The following ZBED6 variants were observed in gnomAD, a reference collection of about 807,000 sequenced individuals.
The protein encoded by ZBED6 is zinc finger BED-type containing 6.
A neutral mutation model predicts 58.4 loss-of-function variants in ZBED6; 40 were observed. The ratio of observed to expected loss-of-function variants is 0.68; its 90% CI spans 0.53 to 0.89. ZBED6 has a LOEUF of 0.89. ZBED6 is among the 40% of genes least tolerant of loss of function. The probability of loss-of-function intolerance (pLI) is 0.00; values close to 1 mark genes in which losing one functional copy is unlikely to be tolerated. For missense variants in ZBED6, 1,057 were observed against 1,003.9 expected, an observed-to-expected ratio of 1.05 and a Z score of -0.71; for synonymous variants, 439 against 350.6, an observed-to-expected ratio of 1.25 and a Z score of -2.82.
chr1:203,840,211 T>A, intron 10 of ZBED6, 95 bp from the exon 11 acceptor site: 1 of 1,238,200 alleles, frequency 8.1e-7, no homozygotes, highest in East Asian at 2.4e-5. Flanking sequence ...AGTTCTGGGA[T>A]TACAGGTGTA....
At chr1:203,832,350 C>A (rs1682661990) in intron 8 of ZBED6, among the ~76,000 whole-genome samples, 1 of 151,740 alleles carries the variant, frequency 6.6e-6, no homozygotes, top group African/African-American at 2.4e-5. Context: ...TGTGAGCCAC[C>A]GTTCTTGGCC....
chr1:203,805,185 C>T (rs1338212808), intron 1 of ZBED6, among the ~76,000 whole-genome samples: 1 of 149,348 alleles, frequency 6.7e-6, no homozygotes. Flanking sequence ...CTCTGTCGCC[C>T]AGGCTGTGGG....
At chr1:203,808,990 C>T (rs935621057) in intron 1 of ZBED6, among the ~76,000 whole-genome samples, 2 of 151,784 alleles carry the variant, frequency 1.3e-5, no homozygotes, top group Admixed American at 6.6e-5. Flanking sequence ...GCCACCACGC[C>T]CAGCTAATTT....
intron 2 of ZBED6, 89 bp from the exon 3 acceptor site, chr1:203,818,481 T>C (rs1677126538): frequency 6.4e-7 from 1 of 1,561,416 alleles, no homozygotes; most frequent in Admixed American, 1.7e-5. Context: ...TCATTTGTGC[T>C]TGTCTAAATT....
rs74546279 is a variant in ZBED6, at chr1:203,804,152, GT to G, written c.*2554+1153del. Among the ~76,000 whole-genome samples the G allele has an allele frequency of 6.4e-3, 678 of 105,130 alleles. 2 individuals carry two copies. The highest frequency in any genetic ancestry group is 0.042 in the East Asian group (192 of 4,596). 69.0% of individuals were successfully genotyped at this position (105,130 alleles called of 152,430 possible). On this transcript the variant is annotated intron_variant, in intron 1 of 16. Coordinates refer to ENST00000550078, the Ensembl canonical transcript of ZBED6. ...TTCTTCATTTTCTTCCTGTATATGT[GT>G]TTTTTTTTTTTTTTTTGAGACAGAG...
rs954813808 is a variant in ZBED6 at position 203,797,700 on chromosome 1, G to A, written c.178G>A (p.Ala60Thr). The change falls in exon 1 of 17, where the codon GCT becomes ACT. Residue 60 changes from alanine (A) to threonine (T), a missense_variant. Transcript: ENST00000550078. ...AGTGAATAAAGAGGCAAAACAGCCT[G>A]CTAAAAAGAAAAGAAAGAAGGGTTT... 1.2e-5 allele frequency: 19 copies of A among 1,534,758 alleles called. 1 individual carries two copies. Among genetic ancestry groups the A allele is most frequent in the Non-Finnish European group, 1.6e-5 (18 of 1,146,686 alleles).
At chr1:203,835,019 C>A (rs1172993843) in intron 9 of ZBED6, among the ~76,000 whole-genome samples, 1 of 152,168 alleles carries the variant, frequency 6.6e-6, no homozygotes, top group African/African-American at 2.4e-5. Context: ...AAAAAGGAAA[C>A]CTTATCTATC....
chr1:203,819,851 T>A lies in ZBED6; in HGVS notation c.*2873+1162T>A, dbSNP rs556220448. Among the ~76,000 whole-genome samples, 10 of 151,954 alleles carry A rather than the reference T, an allele frequency of 6.6e-5. No homozygotes were observed. The South Asian group carries it at 1.7e-3, about 25-fold the overall frequency. ...GCCCAGCCGACTCCAGCAATTTTTTTAAAAAGATTAACATTGATATATTAC... is the reference window on the plus strand; with the variant it reads ...GCCCAGCCGACTCCAGCAATTTTTTAAAAAAGATTAACATTGATATATTAC... On this transcript the variant is annotated intron_variant, in intron 3 of 16. Coordinates refer to ENST00000550078, the Ensembl canonical transcript of ZBED6.
At position 203,798,634 on chromosome 1, in the gene ZBED6, C is replaced by G. The variant is rs1183209768; in HGVS notation, c.1112C>G (p.Pro371Arg). 9.1e-6 allele frequency: 14 copies of G among 1,536,070 alleles called. No homozygotes were observed. In the East Asian group the frequency reaches 3.4e-4, roughly 38 times the overall value. Residue 371 changes from proline (P) to arginine (R), a missense_variant, in exon 1 of 17, where the codon CCT becomes CGT. Pro to Arg is a moderately radical substitution (Grantham distance 103, BLOSUM62 -2). Transcript: ENST00000550078. Reference sequence around the variant, plus strand: ...CTTAGTGACTCTGATTCAGATGAACCTATGTTAGAGGTTGAAAACAGATCT... The same window carrying G: ...CTTAGTGACTCTGATTCAGATGAACGTATGTTAGAGGTTGAAAACAGATCT...
chr1:203,818,997 A>G (rs1677293298), intron 3 of ZBED6, among the ~76,000 whole-genome samples: 1 of 150,840 alleles, frequency 6.6e-6, no homozygotes. Flanking sequence ...CGAACCAGGG[A>G]GTTGGAGGTT....
At chr1:203,798,527 T>G (rs1382109298) in exon 1 of ZBED6, 1 of 1,536,026 alleles carries the variant, frequency 6.5e-7, no homozygotes, top group Non-Finnish European at 8.7e-7. Flanking sequence ...TAGATGAAGC[T>G]GAGACTGAGA....
At chr1:203,808,615 C>G (rs1673171985) in intron 1 of ZBED6, among the ~76,000 whole-genome samples, 3 of 152,222 alleles carry the variant, frequency 2.0e-5, no homozygotes, top group Middle Eastern at 3.4e-3. Context: ...CAATTTCCCT[C>G]TTAGTGACAT....
At position 203,800,502 on chromosome 1, in the gene ZBED6, GT is replaced by G. The variant is rs1462190335; in HGVS notation, c.*42del. The G allele has an allele frequency of 1.9e-5, 27 of 1,446,894 alleles. No homozygotes were observed. The East Asian group carries it at 6.2e-4, about 33-fold the overall frequency. The allele number at this position is 1,446,894 out of a possible 1,614,324, so 89.6% of individuals were successfully genotyped here. ...TTTAAAATGGGCAACTTTTTGCTGT[GT>G]TACTGTATCTTAATAGCTGTAGTTG... On this transcript the variant is annotated 3_prime_UTR_variant, in exon 1 of 17. Coordinates refer to ENST00000550078, the Ensembl canonical transcript of ZBED6.
exon 1 of ZBED6, chr1:203,798,348 G>T: frequency 6.5e-7 from 1 of 1,535,646 alleles, no homozygotes; most frequent in Non-Finnish European, 8.7e-7. Flanking sequence ...TTTTTACACT[G>T]ATCCTCAGCA....
chr1:203,845,334 A>C (rs1304522390), intron 11 of ZBED6, among the ~76,000 whole-genome samples: 1 of 152,168 alleles, frequency 6.6e-6, no homozygotes, highest in African/African-American at 2.4e-5. Flanking sequence ...TTGGAGTGGT[A>C]ATTTTGAAAT....
chr1:203,825,117 T>C (rs1441638926), intron 3 of ZBED6, among the ~76,000 whole-genome samples: 1 of 150,840 alleles, frequency 6.6e-6, no homozygotes. Flanking sequence ...TTAGATAAGC[T>C]TTGTTCAAGT....
exon 1 of ZBED6, chr1:203,798,689 C>T (rs1405930924): frequency 1.3e-6 from 2 of 1,536,142 alleles, no homozygotes; most frequent in Admixed American, 2.0e-5. Context: ...CAGAGCAAGG[C>T]ACTCTGATGC....
chr1:203,838,094 G>A lies in ZBED6; in HGVS notation c.*3672+30G>A, dbSNP rs373388039. ...CTGTGTTCTTACATACTTTGTGTGTGTATGTAATTATGACACTTGTGTCTT... is the reference window on the plus strand; with the variant it reads ...CTGTGTTCTTACATACTTTGTGTGTATATGTAATTATGACACTTGTGTCTT... On this transcript the variant is annotated intron_variant, in intron 10 of 16. Transcript: ENST00000550078. The A allele has an allele frequency of 1.6e-4, 249 of 1,598,080 alleles. No homozygotes were observed. The African/African-American group carries it at 3.1e-3, about 20-fold the overall frequency.
rs768923606 is a variant in ZBED6, at chr1:203,830,109, A to G, written c.*3319-14A>G. 6 of 1,580,262 alleles carry G rather than the reference A, an allele frequency of 3.8e-6. No homozygotes were observed. The highest frequency in any genetic ancestry group is 1.9e-5 in the Admixed American group (1 of 53,048). On this transcript the variant is annotated splice_polypyrimidine_tract_variant and intron_variant, in intron 6 of 16. Coordinates refer to ENST00000550078, the Ensembl canonical transcript of ZBED6. ...GGCTCCCGTTCCTCATAAAATTTCT[A>G]TTTGAATTTTCAGGTGAATGTTTGA...
Sources: allele counts gnomAD v4.1 joint callset (sites outside exome capture counted in the v4.1 genomes callset), GRCh38; gene constraint gnomAD v4.1.1; transcripts MANE v1.5; gene names NCBI Gene and HGNC (gene_info 2026-07-23, HGNC 2026-07-21).